The following TRIO variants were observed in gnomAD, a reference collection of about 807,000 sequenced individuals.
TRIO encodes triple functional domain protein.
In TRIO, 58 loss-of-function variants were observed where a neutral mutation model predicts 351.9. That is an observed-to-expected ratio of 0.16 (90% confidence interval 0.13 to 0.21). The LOEUF is 0.21. TRIO is among the 10% of genes least tolerant of loss of function. The pLI, the probability that TRIO is intolerant of heterozygous loss-of-function variation, is 1.00. For missense variants in TRIO, 3,201 were observed against 4,027.8 expected, an observed-to-expected ratio of 0.79 and a Z score of 5.56; for synonymous variants, 1,758 against 1,595.7, an observed-to-expected ratio of 1.10 and a Z score of -2.42.
chr5:14,506,279 T>G (rs1367417717), intron 55 of TRIO, among the ~76,000 whole-genome samples: 1 of 152,256 alleles, frequency 6.6e-6, no homozygotes, highest in African/African-American at 2.4e-5. Flanking sequence ...CTCACCATCC[T>G]GTTAATAGGA....
intron 1 of TRIO, among the ~76,000 whole-genome samples, chr5:14,186,381 C>G (rs938940793): frequency 1.3e-5 from 2 of 152,128 alleles, no homozygotes; most frequent in African/African-American, 4.8e-5. Context: ...CCACTTTGTT[C>G]CAGAGCACGG....
chr5:14,509,961 T>G lies in TRIO; in HGVS notation c.*1539T>G, dbSNP rs1757980004. The G allele has an allele frequency of 6.6e-6, 1 of 152,274 alleles. No homozygotes were observed. The highest frequency in any genetic ancestry group is 6.5e-5 in the Admixed American group (1 of 15,288). The allele number at this position is 152,274 out of a possible 1,614,324, so 9.4% of individuals were successfully genotyped here. On this transcript the variant is annotated 3_prime_UTR_variant, in exon 57 of 57. Transcript: ENST00000344204. The stretch of plus-strand genomic sequence containing the variant: ...TTTATTCTTTTGTTGGGTTTTTGTT[T>G]GTTTCTTCTTGTAAAATTGTACAGA...
intron 9 of TRIO, among the ~76,000 whole-genome samples, chr5:14,328,086 A>G (rs1740553197): frequency 6.6e-6 from 1 of 152,264 alleles, no homozygotes; most frequent in Non-Finnish European, 1.5e-5. Flanking sequence ...AATGTGCTCA[A>G]TACACTAATG....
chr5:14,451,188 A>G (rs1752825777), intron 34 of TRIO, among the ~76,000 whole-genome samples: 1 of 152,202 alleles, frequency 6.6e-6, no homozygotes, highest in Admixed American at 6.5e-5. Flanking sequence ...TGCATTGCCC[A>G]GGGGATGATT....
chr5:14,151,410 A>T (rs114081063), intron 1 of TRIO, among the ~76,000 whole-genome samples: 3,877 of 141,446 alleles, frequency 0.027, 58 homozygotes, highest in Non-Finnish European at 0.04. Flanking sequence ...GTGTGTGTGT[A>T]TGTATGTATG....
intron 1 of TRIO, among the ~76,000 whole-genome samples, chr5:14,159,510 G>A (rs955535040): frequency 6.6e-6 from 1 of 152,136 alleles, no homozygotes; most frequent in Admixed American, 6.5e-5. Context: ...TCTCCTGAAA[G>A]TGATATTAAC....
chr5:14,171,560 T>C (rs1017147406), intron 1 of TRIO, among the ~76,000 whole-genome samples: 2 of 152,264 alleles, frequency 1.3e-5, no homozygotes, highest in Non-Finnish European at 2.9e-5. Context: ...ACTGTTCTTA[T>C]GTAGTCTTAT....
At chr5:14,220,919 C>CA (rs1457837342) in intron 1 of TRIO, among the ~76,000 whole-genome samples, 2 of 152,200 alleles carry the variant, frequency 1.3e-5, no homozygotes, top group Non-Finnish European at 2.9e-5. Context: ...TCAGTGTAGG[C>CA]AAAACAGCCT....
At chr5:14,439,519 A>ACT (rs1751857347) in intron 34 of TRIO, among the ~76,000 whole-genome samples, 1 of 152,240 alleles carries the variant, frequency 6.6e-6, no homozygotes, top group South Asian at 2.1e-4. Context: ...GAAAGGGACA[A>ACT]AGTCAACTTT....
intron 34 of TRIO, among the ~76,000 whole-genome samples, chr5:14,442,605 T>G (rs1752151445): frequency 6.6e-6 from 1 of 152,242 alleles, no homozygotes; most frequent in African/African-American, 2.4e-5. Context: ...GCTCTTTTTG[T>G]CATATTTATG....
rs1416730940 is a variant in TRIO at position 14,487,651 on chromosome 5, C to T, written c.7023C>T (p.Ile2341=). 3 of 1,320,786 alleles carry T rather than the reference C, an allele frequency of 2.3e-6. No individual in the cohort carries two copies. Among genetic ancestry groups the T allele is most frequent in the East Asian group, 3.3e-5 (1 of 30,050 alleles). 81.8% of individuals were successfully genotyped at this position (1,320,786 alleles called of 1,614,324 possible). A position where few individuals can be genotyped will look rare whatever the true frequency, so the allele number is the denominator to read the frequency against. ...PSTSRSRPSR[I]PQPVRHHPPV... is the part of the protein sequence containing the mutation. Reference sequence around the variant, plus strand: ...CGAGCAGGAGCCGGCCCTCCCGGATCCCCCAGCCTGTCCGACACCACCCCC... The same window carrying T: ...CGAGCAGGAGCCGGCCCTCCCGGATTCCCCAGCCTGTCCGACACCACCCCC... The change falls in exon 48 of 57, where the codon ATC becomes ATT. Residue 2341 remains isoleucine, a synonymous_variant. Transcript: ENST00000344204.
At chr5:14,308,673 CCATCCAT>C (rs1738611840) in intron 8 of TRIO, among the ~76,000 whole-genome samples, 1 of 116,498 alleles carries the variant, frequency 8.6e-6, no homozygotes, top group African/African-American at 5.5e-5. Context: ...ATCCATCCAT[CCATCCAT>C]CCATTCATTC....
chr5:14,311,084 C>T (rs1349840465), intron 8 of TRIO, among the ~76,000 whole-genome samples: 1 of 152,202 alleles, frequency 6.6e-6, no homozygotes, highest in Admixed American at 6.5e-5. Context: ...GTATCAGAGC[C>T]AACAGCCCAT....
chr5:14,295,364 A>T (rs1737260119), intron 6 of TRIO, among the ~76,000 whole-genome samples: 1 of 152,244 alleles, frequency 6.6e-6, no homozygotes, highest in East Asian at 1.9e-4. Flanking sequence ...ATTGATGTCC[A>T]GGCTGTAGAT....
At chr5:14,487,116 G>T (rs1363599019) in intron 47 of TRIO, among the ~76,000 whole-genome samples, 1 of 152,130 alleles carries the variant, frequency 6.6e-6, no homozygotes, top group African/African-American at 2.4e-5. Context: ...CAGCCCCAGG[G>T]TTTCTTTTTC....
intron 11 of TRIO, among the ~76,000 whole-genome samples, chr5:14,342,886 G>GT (rs1742066399): frequency 6.6e-6 from 1 of 152,130 alleles, no homozygotes. Flanking sequence ...CTGAACCGTT[G>GT]TAAGTCCATA....
chr5:14,293,399 G>A (rs977321010), intron 6 of TRIO, among the ~76,000 whole-genome samples: 1 of 152,206 alleles, frequency 6.6e-6, no homozygotes, highest in African/African-American at 2.4e-5. Context: ...ACAGACACTT[G>A]GGATGCTGGC....
intron 1 of TRIO, among the ~76,000 whole-genome samples, chr5:14,217,789 G>A (rs1190632045): frequency 6.6e-6 from 1 of 152,164 alleles, no homozygotes; most frequent in Non-Finnish European, 1.5e-5. Context: ...GATTGTCGCA[G>A]CACGTGTGGG....
chr5:14,192,948 G>A (rs1299652679), intron 1 of TRIO, among the ~76,000 whole-genome samples: 2 of 152,188 alleles, frequency 1.3e-5, no homozygotes, highest in East Asian at 3.9e-4. Context: ...GCCATATATG[G>A]CATTGTTCTT....
Sources: gnomAD v4.1 joint callset for allele counts (sites outside exome capture counted in the v4.1 genomes callset) on GRCh38, gnomAD v4.1.1 for gene constraint, MANE v1.5 for transcripts, NCBI Gene and HGNC (gene_info 2026-07-23, HGNC 2026-07-21) for gene names.